Variants in GLP1R observed in about 807,000 individuals in gnomAD.
GLP1R encodes the protein glucagon like peptide 1 receptor, also known as glucagon-like peptide 1 receptor.
In GLP1R, 32 loss-of-function variants were observed where a neutral mutation model predicts 68.4. The observed-to-expected ratio is 0.47, with a 90% CI of 0.35 to 0.63. The LOEUF (loss-of-function observed/expected upper bound fraction) is 0.63, where lower values mean the gene tolerates loss of function less well. Among genes scored for constraint, GLP1R ranks in the 20% least tolerant of loss-of-function variants. GLP1R has a pLI of 0.00. For missense variants in GLP1R, 502 were observed against 594.9 expected (o/e 0.84, Z 1.62); for synonymous variants, 263 against 244.4 (o/e 1.08, Z -0.71).
Position 39,078,339 on chromosome 6 carries a change from G to A in GLP1R, c.841G>A (p.Val281Ile). Residue 281 changes from valine (V) to isoleucine (I), a missense_variant, in exon 8 of 13, where the codon GTT becomes ATT. By Grantham distance (29) the Val-to-Ile change is conservative (BLOSUM62 3). Coordinates refer to ENST00000373256, the MANE Select transcript of GLP1R (RefSeq NM_002062.5). ...SIGWGVPLLFVVPWGIVKYLY... is the reference protein window; with the variant it reads ...SIGWGVPLLFIVPWGIVKYLY... The stretch of plus-strand genomic sequence containing the variant: ...TCTCTTAGGTGTTCCCCTGCTGTTT[G>A]TTGTCCCCTGGGGCATTGTCAAGTA... 2 of 1,612,770 alleles carry A rather than the reference G, an allele frequency of 1.2e-6. No homozygotes were observed. The highest frequency in any genetic ancestry group is 1.7e-4 in the Middle Eastern group (1 of 6,054).
chr6:39,050,198 C>A (rs55650855), intron 1 of GLP1R, among the ~76,000 whole-genome samples: 18 of 152,132 alleles, frequency 1.2e-4, no homozygotes, highest in Non-Finnish European at 2.2e-4. Flanking sequence ...TTCCTCACAG[C>A]GCCCCCAGCC....
chr6:39,056,376 C>G, intron 1 of GLP1R, 21 bp from the exon 2 acceptor site: 1 of 1,339,506 alleles, frequency 7.5e-7, no homozygotes, highest in Non-Finnish European at 1.1e-6. Context: ...CACAGGCCTC[C>G]CATATATGCC....
chr6:39,088,480 C>T lies in GLP1R; in HGVS notation c.*2407C>T, dbSNP rs540100593. 3.9e-5 allele frequency among the ~76,000 whole-genome samples: 6 copies of T among 152,282 alleles called. No individual in the cohort carries two copies. Among genetic ancestry groups the T allele is most frequent in the Non-Finnish European group, 5.9e-5 (4 of 68,022 alleles). On this transcript the variant is annotated 3_prime_UTR_variant, in exon 13 of 13. Coordinates refer to ENST00000373256, the MANE Select transcript of GLP1R (RefSeq NM_002062.5). Reference sequence around the variant, plus strand: ...GGAACTTGCTGAGAACTCTCGGCTGCCTCTGTCCTGGGGTACTATTGCTGA... The same window carrying T: ...GGAACTTGCTGAGAACTCTCGGCTGTCTCTGTCCTGGGGTACTATTGCTGA...
At chr6:39,073,577 G>C (rs377254552) in intron 6 of GLP1R, 33 bp from the exon 7 acceptor site, 38 of 1,603,812 alleles carry the variant, frequency 2.4e-5, no homozygotes, top group Middle Eastern at 1.9e-4. Context: ...GGGCAGAGCT[G>C]TTGTCCCCAT....
At chr6:39,062,733 G>A (rs1416978508) in intron 3 of GLP1R, among the ~76,000 whole-genome samples, 4 of 152,206 alleles carry the variant, frequency 2.6e-5, no homozygotes, top group African/African-American at 7.2e-5. Flanking sequence ...TGGGACCTCC[G>A]GAGGCAAAGA....
Position 39,088,667 on chromosome 6 carries a change from C to T in GLP1R, c.*2594C>T, listed in dbSNP as rs1769208674. 6.6e-6 allele frequency among the ~76,000 whole-genome samples: 1 copy of T among 152,208 alleles called. No homozygotes were observed. The highest frequency in any genetic ancestry group is 1.5e-5 in the Non-Finnish European group (1 of 68,038). On this transcript the variant is annotated 3_prime_UTR_variant, in exon 13 of 13. Coordinates refer to ENST00000373256, the MANE Select transcript of GLP1R (RefSeq NM_002062.5). ...TTTGCCATTTCAGTCTTTCAAGCAG[C>T]TGAATCGCAGAACTGAAACAAAACA... is the stretch of plus-strand genomic sequence containing the variant.
chr6:39,057,977 A>G (rs1403914214), intron 3 of GLP1R, among the ~76,000 whole-genome samples: 1 of 152,178 alleles, frequency 6.6e-6, no homozygotes, highest in Non-Finnish European at 1.5e-5. Flanking sequence ...CTCCCCACCC[A>G]GAATGTCTTT....
At chr6:39,054,021 C>A (rs529908675) in intron 1 of GLP1R, among the ~76,000 whole-genome samples, 2 of 152,088 alleles carry the variant, frequency 1.3e-5, no homozygotes, top group East Asian at 3.9e-4. Flanking sequence ...CTCCTCCTTG[C>A]TAGCCCAGTC....
rs1272745425 is a variant in GLP1R, at chr6:39,089,163, CTTCA to C, written c.*3096_*3099del. Among the ~76,000 whole-genome samples, 3 of 152,216 alleles carry C rather than the reference CTTCA, an allele frequency of 2.0e-5. No homozygotes were observed. The highest frequency in any genetic ancestry group is 4.8e-5 in the African/African-American group (2 of 41,446). On this transcript the variant is annotated 3_prime_UTR_variant, in exon 13 of 13. Coordinates refer to ENST00000373256, the MANE Select transcript of GLP1R (RefSeq NM_002062.5). This position sits in a 1 kb window ranked among gnomAD's most constrained non-coding sequence, Gnocchi z 4.1. ...GTGCTTTCCTATTTTTACACTGGTA[CTTCA>C]TTCATCCTTGTCTTAAACTTAAGAA...
rs1274581458 is a variant in GLP1R at position 39,057,580 on chromosome 6, G to A, written c.283+1G>A. 2 of 1,576,444 alleles carry A rather than the reference G, an allele frequency of 1.3e-6. No homozygotes were observed. The highest frequency in any genetic ancestry group is 1.7e-6 in the Non-Finnish European group (2 of 1,153,962). On this transcript the variant is annotated splice_donor_variant, in intron 3 of 12. Transcript: ENST00000373256. LOFTEE classifies it high-confidence loss of function. ...TGGTACCTGCCCTGGGCCAGCAGTGGTGAGCCCCCTCCCCGACCTGGTACC... is the reference window on the plus strand; with the variant it reads ...TGGTACCTGCCCTGGGCCAGCAGTGATGAGCCCCCTCCCCGACCTGGTACC...
At chr6:39,081,230 C>T (rs1238319280) in intron 12 of GLP1R, among the ~76,000 whole-genome samples, 1 of 152,124 alleles carries the variant, frequency 6.6e-6, no homozygotes, top group Non-Finnish European at 1.5e-5. Context: ...CAGGAACCTG[C>T]CCTAGGTTTG....
chr6:39,081,286 G>A (rs933430944), intron 12 of GLP1R, among the ~76,000 whole-genome samples: 2 of 152,226 alleles, frequency 1.3e-5, no homozygotes, highest in Non-Finnish European at 2.9e-5. Flanking sequence ...CTAAGGTGAA[G>A]TGTGGAAATA....
At chr6:39,076,618 C>G (rs1298202074) in intron 7 of GLP1R, among the ~76,000 whole-genome samples, 1 of 152,156 alleles carries the variant, frequency 6.6e-6, no homozygotes, top group Non-Finnish European at 1.5e-5. Context: ...TGGTTCTGTC[C>G]TGGAAATGTG....
intron 12 of GLP1R, among the ~76,000 whole-genome samples, chr6:39,082,091 G>A (rs1272834118): frequency 6.6e-6 from 1 of 152,164 alleles, no homozygotes; most frequent in Non-Finnish European, 1.5e-5. Flanking sequence ...AGGATGCCGT[G>A]CAGAGAAAAT....
At chr6:39,073,444 G>T (rs1204004791) in intron 6 of GLP1R, among the ~76,000 whole-genome samples, 166 bp from the exon 7 acceptor site, 1 of 152,196 alleles carries the variant, frequency 6.6e-6, no homozygotes, top group African/African-American at 2.4e-5. Context: ...AGGATTCAAT[G>T]AGCTAAAGCA....
At chr6:39,083,048 C>T (rs921564383) in intron 12 of GLP1R, among the ~76,000 whole-genome samples, 5 of 152,124 alleles carry the variant, frequency 3.3e-5, no homozygotes, top group Non-Finnish European at 7.4e-5. Flanking sequence ...CTATGGCTGG[C>T]CCACCTTTGT....
In GLP1R at chr6:39,057,559, A is replaced by G; in HGVS notation, c.263A>G (p.Tyr88Cys). 3 of 1,604,974 alleles carry G rather than the reference A, an allele frequency of 1.9e-6. No homozygotes were observed. Among genetic ancestry groups the G allele is most frequent in the Non-Finnish European group, 2.6e-6 (3 of 1,174,954 alleles). ...GSFVNVSCPW[Y>C]LPWASSVPQG... ...TTCGTGAATGTCAGCTGCCCCTGGTACCTGCCCTGGGCCAGCAGTGGTGAG... is the reference window on the plus strand; with the variant it reads ...TTCGTGAATGTCAGCTGCCCCTGGTGCCTGCCCTGGGCCAGCAGTGGTGAG... The change falls in exon 3 of 13, where the codon TAC (tyrosine) becomes TGC (cysteine). Residue 88 changes from tyrosine (Y) to cysteine (C), a missense_variant. Coordinates refer to ENST00000373256, the MANE Select transcript of GLP1R (RefSeq NM_002062.5).
chr6:39,076,054 G>C (rs747074156), intron 7 of GLP1R, among the ~76,000 whole-genome samples: 37 of 152,222 alleles, frequency 2.4e-4, no homozygotes, highest in Non-Finnish European at 4.6e-4. Context: ...TTTTGAAAAG[G>C]CCTTGTTAAG....
At chr6:39,068,203 C>T (rs1768567036) in intron 5 of GLP1R, among the ~76,000 whole-genome samples, 2 of 152,310 alleles carry the variant, frequency 1.3e-5, no homozygotes, top group Non-Finnish European at 2.9e-5. Flanking sequence ...GGACAAACAA[C>T]ATTAAATCTT....
Sources: gnomAD v4.1 joint callset for allele counts (sites outside exome capture counted in the v4.1 genomes callset) on GRCh38, gnomAD v4.1.1 for gene constraint, Gnocchi (gnomAD v3.1) non-coding constraint, MANE v1.5 for transcripts, NCBI Gene and HGNC (gene_info 2026-07-23, HGNC 2026-07-21) for gene names.